The following SEPTIN8 variants were observed in gnomAD, a reference collection of about 807,000 sequenced individuals.
SEPTIN8 encodes the protein septin-8.
Under a neutral mutation model 53.1 loss-of-function variants are expected in SEPTIN8, and 22 were observed. The observed-to-expected ratio is 0.41, with a 90% CI of 0.30 to 0.59. The LOEUF (loss-of-function observed/expected upper bound fraction) is 0.59. Ranked by LOEUF, SEPTIN8 falls within the 20% of genes least tolerant of loss-of-function variation. The pLI is 0.24. For synonymous variants in SEPTIN8, 228 were observed against 248.4 expected, an observed-to-expected ratio of 0.92 and a Z score of 0.77; for missense variants, 536 against 638.7, an observed-to-expected ratio of 0.84 and a Z score of 1.73.
In SEPTIN8 at chr5:132,756,030, A is replaced by AAAAAT. The variant is rs1412749331; in HGVS notation, c.1287-3854_1287-3850dup. 1.4e-5 allele frequency: 14 copies of AAAAAT among 985,292 alleles called. No homozygotes were observed. In the African/African-American group the frequency reaches 2.3e-4, roughly 16 times the overall value. The allele number at this position is 985,292 out of a possible 1,614,324, so 61.0% of individuals were successfully genotyped here. A position where few individuals can be genotyped will look rare whatever the true frequency, so the allele number is the denominator to read the frequency against. ...CAAAATAAATGCAAAATTTAATGAA[A>AAAAAT]AAAATAAGTACAAAGTGAATGGAAA... On this transcript the variant is annotated intron_variant, in intron 9 of 9. Transcript: ENST00000378719.
chr5:132,765,675 C>A, intron 1 of SEPTIN8, 146 bp from the exon 2 acceptor site: 2 of 1,016,276 alleles, frequency 2.0e-6, no homozygotes, highest in Non-Finnish European at 2.8e-6. Flanking sequence ...ACCCTGAGTA[C>A]ACCCGAGCAC....
intron 2 of SEPTIN8, 53 bp downstream of exon 2, chr5:132,765,356 C>T: frequency 6.2e-7 from 1 of 1,602,100 alleles, no homozygotes; most frequent in Non-Finnish European, 8.5e-7. Flanking sequence ...AGCACCCCCT[C>T]TCCCAGGAGG....
At chr5:132,755,851 G>T in intron 9 of SEPTIN8, 1 of 565,610 alleles carries the variant, frequency 1.8e-6, no homozygotes, top group Non-Finnish European at 2.2e-6. Flanking sequence ...CTGTAGCAGG[G>T]TTTCCTATTA....
At chr5:132,758,881 G>T in intron 9 of SEPTIN8, 1 of 1,530,080 alleles carries the variant, frequency 6.5e-7, no homozygotes, top group South Asian at 1.1e-5. Flanking sequence ...AAGATATGCA[G>T]ACCAAATCAA....
chr5:132,761,851 C>G lies in SEPTIN8; in HGVS notation c.742G>C (p.Val248Leu), dbSNP rs371217438. 3.7e-6 allele frequency: 6 copies of G among 1,607,036 alleles called. No homozygotes were observed. In the Admixed American group the frequency reaches 1.0e-4, roughly 27 times the overall value. ...CGTGCTCGGACCAGCTTGTTCCCCA[C>G]CTTCACCTCCTCGGTGCTGCCCACC... ...AVVGSTEEVK[V>L]GNKLVRARQY... Residue 248 changes from valine to leucine, a missense_variant, in exon 6 of 10, where the codon GTG becomes CTG. By Grantham distance (32) the Val-to-Leu change is conservative. Around this residue, in one of 3 missense-constraint regions of SEPTIN8, gnomAD observed 395 missense variants for 451.8 expected, o/e 0.87. Transcript: ENST00000378719. This position sits in a 1 kb window ranked among gnomAD's most constrained non-coding sequence, Gnocchi z 5.8.
chr5:132,770,039 A>G (rs13173181), intron 1 of SEPTIN8, among the ~76,000 whole-genome samples: 7 of 88,458 alleles, frequency 7.9e-5, no homozygotes, highest in African/African-American at 2.9e-4. Flanking sequence ...ACATATATAT[A>G]TATGTGTGTG....
chr5:132,758,097 G>A (rs1456025876), intron 9 of SEPTIN8: 9 of 1,005,546 alleles, frequency 9.0e-6, no homozygotes, highest in Non-Finnish European at 9.5e-6. Context: ...CGCTGGACAT[G>A]GTCTTGTTCA....
Position 132,761,128 on chromosome 5 carries a change from C to T in SEPTIN8, c.1095+5G>A. On this transcript the variant is annotated splice_donor_5th_base_variant and intron_variant, in intron 8 of 9. Coordinates refer to ENST00000378719, the MANE Select transcript of SEPTIN8 (RefSeq NM_001098811.2). This position sits in a 1 kb window ranked among gnomAD's most constrained non-coding sequence, Gnocchi z 5.8. ...CCCCATCCCAGCCCCCAGCCTGGCA[C>T]ATACCTCCCTTTCCTTCTCCTTCAG... 6.2e-7 allele frequency: 1 copy of T among 1,614,230 alleles called. No individual in the cohort carries two copies. Among genetic ancestry groups the T allele is most frequent in the Non-Finnish European group, 8.5e-7 (1 of 1,180,032 alleles).
chr5:132,758,913 A>G (rs1435011012), intron 9 of SEPTIN8: 1 of 1,236,882 alleles, frequency 8.1e-7, no homozygotes, highest in East Asian at 2.3e-5. Context: ...AGACAGCAAG[A>G]TGGACACCGT....
rs565848996 is a variant in SEPTIN8 at position 132,764,760 on chromosome 5, G to A, written c.152-341C>T. Among the ~76,000 whole-genome samples, 37 of 152,320 alleles carry A rather than the reference G, an allele frequency of 2.4e-4. No homozygotes were observed. The South Asian group carries it at 6.6e-3, about 27-fold the overall frequency. ...GACCCAATCACCTCACACATAACCT[G>A]CTCTACACAACACCCCTCCTGGGAC... On this transcript the variant is annotated intron_variant, in intron 2 of 9. Coordinates refer to ENST00000378719, the MANE Select transcript of SEPTIN8 (RefSeq NM_001098811.2).
At chr5:132,770,061 GTGTATATA>G (rs1347024249) in intron 1 of SEPTIN8, among the ~76,000 whole-genome samples, 16 of 74,078 alleles carry the variant, frequency 2.2e-4, no homozygotes, top group Non-Finnish European at 3.7e-4. Context: ...GTGTGTGTGT[GTGTATATA>G]TATATATATA....
intron 9 of SEPTIN8, 89 bp from the exon 10 acceptor site, chr5:132,752,270 G>A: frequency 5.5e-6 from 8 of 1,461,266 alleles, no homozygotes; most frequent in Non-Finnish European, 6.4e-6. Flanking sequence ...CCCCAAAGGG[G>A]TACCCTTTGC....
chr5:132,764,156 A>G, intron 3 of SEPTIN8, 68 bp downstream of exon 3: 4 of 1,482,992 alleles, frequency 2.7e-6, no homozygotes, highest in Admixed American at 1.9e-5. Context: ...GGGCTGGGCT[A>G]CTGTTATAGG....
chr5:132,757,847 C>T, intron 9 of SEPTIN8: 1 of 985,472 alleles, frequency 1.0e-6, no homozygotes, highest in African/African-American at 1.7e-5. Flanking sequence ...CTATATACAT[C>T]AGACACCTTC....
rs1412451980 is a variant in SEPTIN8, at chr5:132,765,461, C to T, written c.99G>A (p.Gln33=). 9.3e-6 allele frequency: 15 copies of T among 1,613,406 alleles called. No homozygotes were observed. The highest frequency in any genetic ancestry group is 1.3e-5 in the Non-Finnish European group (15 of 1,179,676). ...CCTGAGTGACCGACTTGCTGACCAGCTGGTCGGGGAGGCTGTCGAAACCCA... is the reference window on the plus strand; with the variant it reads ...CCTGAGTGACCGACTTGCTGACCAGTTGGTCGGGGAGGCTGTCGAAACCCA... The part of the protein sequence containing the change: ...GHVGFDSLPD[Q]LVSKSVTQGF... The change falls in exon 2 of 10, where the codon CAG becomes CAA. Residue 33 remains glutamine, a synonymous_variant. Transcript: ENST00000378719.
At chr5:132,755,775 C>A (rs1230596904) in intron 9 of SEPTIN8, among the ~76,000 whole-genome samples, 1 of 152,178 alleles carries the variant, frequency 6.6e-6, no homozygotes, top group East Asian at 1.9e-4. Context: ...GCCCCTTTAC[C>A]TTCCTGTAAC....
intron 1 of SEPTIN8, among the ~76,000 whole-genome samples, chr5:132,766,269 TG>T (rs2149984088): frequency 6.6e-6 from 1 of 152,330 alleles, no homozygotes; most frequent in East Asian, 1.9e-4. Flanking sequence ...TCCTGGCTCC[TG>T]ACTCCTGCCA....
chr5:132,765,445 C>T lies in SEPTIN8; in HGVS notation c.115G>A (p.Val39Ile). ...SLPDQLVSKSVTQGFSFNILC... is the reference protein window; with the variant it reads ...SLPDQLVSKSITQGFSFNILC... ...ATGTTGAAGCTGAAGCCCTGAGTGA[C>T]CGACTTGCTGACCAGCTGGTCGGGG... The change falls in exon 2 of 10, where the codon GTC (valine) becomes ATC (isoleucine). Residue 39 changes from valine to isoleucine, a missense_variant. Physicochemically the swap from Val to Ile is conservative, Grantham distance 29 (BLOSUM62 3). This residue lies in a region of SEPTIN8 where 395 missense variants were observed against 451.8 expected (regional missense o/e 0.87). Transcript: ENST00000378719. The T allele has an allele frequency of 6.2e-7, 1 of 1,613,716 alleles. No individual in the cohort carries two copies. The highest frequency in any genetic ancestry group is 1.7e-5 in the Admixed American group (1 of 59,998).
chr5:132,752,301 G>A (rs1754915251), intron 9 of SEPTIN8, 120 bp from the exon 10 acceptor site: 3 of 1,307,982 alleles, frequency 2.3e-6, no homozygotes, highest in Non-Finnish European at 3.1e-6. Context: ...TCTGGAAAAT[G>A]TTCTGGCCAT....
Sources: allele counts gnomAD v4.1 joint callset (sites outside exome capture counted in the v4.1 genomes callset), GRCh38; gene constraint gnomAD v4.1.1; regional missense constraint gnomAD v4.1.1; non-coding constraint Gnocchi (gnomAD v3.1); transcripts MANE v1.5; gene names NCBI Gene and HGNC (gene_info 2026-07-23, HGNC 2026-07-21).